FOCAD: variants seen among roughly 807,000 people sequenced by gnomAD.
The protein encoded by FOCAD is KIAA1797.
In FOCAD, 198 loss-of-function variants were observed where a neutral mutation model predicts 225.6. That is an observed-to-expected ratio of 0.88 (90% CI 0.78 to 0.99). FOCAD has a LOEUF of 0.99. FOCAD is among the 50% of genes least tolerant of loss of function. The probability of loss-of-function intolerance (pLI) is 0.00; values close to 1 mark genes in which losing one functional copy is unlikely to be tolerated. For missense variants in FOCAD, 2,713 were observed against 2,123.6 expected, an observed-to-expected ratio of 1.28 and a Z score of -5.46; for synonymous variants, 897 against 755.0, an observed-to-expected ratio of 1.19 and a Z score of -3.08.
At chr9:20,758,498 A>G (rs1423611425) in intron 6 of FOCAD, among the ~76,000 whole-genome samples, 2 of 150,652 alleles carry the variant, frequency 1.3e-5, no homozygotes, top group African/African-American at 4.9e-5. Flanking sequence ...TATATCTCCT[A>G]ATGCTATCCC....
rs78533849 is a variant in FOCAD at position 20,687,044 on chromosome 9, T to C, written c.-33+2751T>C. Among the ~76,000 whole-genome samples the C allele has an allele frequency of 3.2e-3, 483 of 152,116 alleles. 7 individuals carry two copies. In the East Asian group the frequency reaches 0.05, roughly 16 times the overall value. Reference sequence around the variant, plus strand: ...TCAGGTCATATTGAAAGTAATAAAATTGTGTTTATGATTTTAAAAGTTTAT... The same window carrying C: ...TCAGGTCATATTGAAAGTAATAAAACTGTGTTTATGATTTTAAAAGTTTAT... On this transcript the variant is annotated intron_variant, in intron 1 of 43. Coordinates refer to ENST00000338382, the MANE Select transcript of FOCAD (RefSeq NM_001375567.1).
At chr9:20,901,620 A>G (rs1485943373) in intron 21 of FOCAD, among the ~76,000 whole-genome samples, 1 of 151,908 alleles carries the variant, frequency 6.6e-6, no homozygotes, top group African/African-American at 2.4e-5. Context: ...CTAGATGGAT[A>G]TGTAGTCCCT....
At chr9:20,896,878 A>C (rs1002651035) in intron 21 of FOCAD, 2 of 151,836 alleles carry the variant, frequency 1.3e-5, no homozygotes, top group African/African-American at 2.4e-5. Flanking sequence ...CTGCCGTTGC[A>C]TAAAATAGCC....
intron 21 of FOCAD, among the ~76,000 whole-genome samples, chr9:20,904,587 C>T (rs1171005336): frequency 6.6e-6 from 1 of 151,984 alleles, no homozygotes; most frequent in East Asian, 1.9e-4. Flanking sequence ...TAATTCACTG[C>T]CTCTTACACA....
intron 21 of FOCAD, among the ~76,000 whole-genome samples, chr9:20,902,365 A>T (rs1832628746): frequency 6.6e-6 from 1 of 151,954 alleles, no homozygotes; most frequent in Non-Finnish European, 1.5e-5. Context: ...AGTATAAGAC[A>T]AGCTTGGGAA....
chr9:20,989,243 A>T (rs1841447825), intron 41 of FOCAD, among the ~76,000 whole-genome samples: 1 of 152,048 alleles, frequency 6.6e-6, no homozygotes, highest in African/African-American at 2.4e-5. Context: ...TTGAAATTTT[A>T]ATTTGTGAGT....
In FOCAD at chr9:20,892,721, C is replaced by G. The variant is rs373645354; in HGVS notation, c.2625+7491C>G. 5.9e-5 allele frequency among the ~76,000 whole-genome samples: 9 copies of G among 152,070 alleles called. No homozygotes were observed. In the East Asian group the frequency reaches 1.3e-3, roughly 23 times the overall value. On this transcript the variant is annotated intron_variant, in intron 21 of 43. Transcript: ENST00000338382. ...GATTTACAATATTACATAAACGTAC[C>G]TGATAATGTGGTATCAATGTTTGAG...
At chr9:20,800,782 C>T (rs1009995766) in intron 11 of FOCAD, among the ~76,000 whole-genome samples, 1 of 152,028 alleles carries the variant, frequency 6.6e-6, no homozygotes, top group African/African-American at 2.4e-5. Context: ...ACTTCTTTGC[C>T]ATGGGTTCAG....
At chr9:20,963,191 G>C (rs571703552) in intron 35 of FOCAD, among the ~76,000 whole-genome samples, 3 of 152,094 alleles carry the variant, frequency 2.0e-5, no homozygotes, top group African/African-American at 7.2e-5. Flanking sequence ...AAATGTGGAA[G>C]ATTTATTTCA....
At chr9:20,954,780 TG>T (rs1837984546) in intron 35 of FOCAD, among the ~76,000 whole-genome samples, 1 of 152,302 alleles carries the variant, frequency 6.6e-6, no homozygotes, top group East Asian at 1.9e-4. Flanking sequence ...GCTGTCGTCT[TG>T]TCAGGTTTGC....
chr9:20,755,200 T>G (rs962932299), intron 5 of FOCAD, among the ~76,000 whole-genome samples: 4 of 152,208 alleles, frequency 2.6e-5, no homozygotes, highest in Non-Finnish European at 5.9e-5. Context: ...TCTGACATAA[T>G]CAATTATTTG....
intron 39 of FOCAD, among the ~76,000 whole-genome samples, chr9:20,984,451 C>G (rs1330299889): frequency 6.6e-6 from 1 of 151,922 alleles, no homozygotes; most frequent in African/African-American, 2.4e-5. Context: ...AATTTAAAGA[C>G]TAGGAAAACT....
chr9:20,804,200 A>G (rs2131306630), intron 11 of FOCAD, among the ~76,000 whole-genome samples: 1 of 152,198 alleles, frequency 6.6e-6, no homozygotes, highest in South Asian at 2.1e-4. Flanking sequence ...CCTTGGTGAC[A>G]TCATATTGTC....
In FOCAD at chr9:20,916,952, G is replaced by C; in HGVS notation, c.2852+15G>C. Reference sequence around the variant, plus strand: ...GCAGCTGCAAAGTAAGATCCATTTAGTCTTTTATCAAACATTTTTTATAAA... The same window carrying C: ...GCAGCTGCAAAGTAAGATCCATTTACTCTTTTATCAAACATTTTTTATAAA... On this transcript the variant is annotated intron_variant, in intron 24 of 43. Transcript: ENST00000338382. The C allele has an allele frequency of 6.3e-7, 1 of 1,589,958 alleles. No individual in the cohort carries two copies. The highest frequency in any genetic ancestry group is 1.2e-5 in the South Asian group (1 of 85,438).
intron 8 of FOCAD, among the ~76,000 whole-genome samples, chr9:20,771,808 A>T (rs1587104177): frequency 6.6e-6 from 1 of 152,352 alleles, no homozygotes; most frequent in Non-Finnish European, 1.5e-5. Flanking sequence ...AAGGCTGGAG[A>T]GTCCAAGCAC....
chr9:20,772,322 G>C (rs917182350), intron 8 of FOCAD, among the ~76,000 whole-genome samples: 1 of 152,204 alleles, frequency 6.6e-6, no homozygotes, highest in Non-Finnish European at 1.5e-5. Flanking sequence ...ATTTAGGCTA[G>C]AAGTCTAGGC....
intron 2 of FOCAD, among the ~76,000 whole-genome samples, chr9:20,671,732 T>C (rs752299737): frequency 2.0e-5 from 3 of 152,152 alleles, no homozygotes; most frequent in Non-Finnish European, 4.4e-5. Context: ...GGGCAAAAAG[T>C]TTCCTGTATT....
chr9:20,877,673 G>C (rs1441154242), intron 19 of FOCAD, among the ~76,000 whole-genome samples: 2 of 152,166 alleles, frequency 1.3e-5, no homozygotes, highest in Admixed American at 6.6e-5. Flanking sequence ...CACAACTGAA[G>C]TCTTTTGACA....
chr9:20,735,285 A>C (rs1556477), intron 4 of FOCAD, among the ~76,000 whole-genome samples: 3 of 151,904 alleles, frequency 2.0e-5, no homozygotes, highest in Non-Finnish European at 2.9e-5. Flanking sequence ...TGCTGAAACT[A>C]TCTGGAATTT....
Sources: allele counts gnomAD v4.1 joint callset (sites outside exome capture counted in the v4.1 genomes callset), GRCh38; gene constraint gnomAD v4.1.1; transcripts MANE v1.5; gene names NCBI Gene and HGNC (gene_info 2026-07-23, HGNC 2026-07-21).